Variants in LAMA2 observed in about 807,000 individuals in gnomAD.
The protein encoded by LAMA2 is laminin subunit alpha-2.
Under a neutral mutation model 364.8 loss-of-function variants are expected in LAMA2, and 269 were observed. The observed-to-expected ratio is 0.74, with a 90% confidence interval of 0.67 to 0.82. The LOEUF (loss-of-function observed/expected upper bound fraction) is 0.82, where lower values mean the gene tolerates loss of function less well. LAMA2 is among the 40% of genes least tolerant of loss of function. LAMA2 has a pLI of 0.00. For synonymous variants in LAMA2, 1,379 were observed against 1,370.6 expected (o/e 1.01, Z -0.14); for missense variants, 3,807 against 3,873.2 (o/e 0.98, Z 0.45).
chr6:129,185,574 T>TTTGCCTTTTG (rs1270250665), intron 10 of LAMA2, among the ~76,000 whole-genome samples: 4 of 151,852 alleles, frequency 2.6e-5, no homozygotes, highest in Admixed American at 6.6e-5. Context: ...ATATTGATTT[T>TTTGCCTTTTG]ATGTAAAGGC....
chr6:128,921,400 T>C (rs1219348745), intron 1 of LAMA2, among the ~76,000 whole-genome samples: 1 of 152,178 alleles, frequency 6.6e-6, no homozygotes, highest in East Asian at 1.9e-4. Flanking sequence ...ACTATGAATG[T>C]GACCTTATTT....
At chr6:129,425,184 T>C (rs1315499520) in intron 40 of LAMA2, among the ~76,000 whole-genome samples, 1 of 152,014 alleles carries the variant, frequency 6.6e-6, no homozygotes. Context: ...ACCATGGTTG[T>C]GGTAATGGTC....
At chr6:129,193,191 G>T (rs1781636933) in intron 12 of LAMA2, among the ~76,000 whole-genome samples, 1 of 152,152 alleles carries the variant, frequency 6.6e-6, no homozygotes, top group Non-Finnish European at 1.5e-5. Context: ...CTGTTTTCTG[G>T]AGTTGTCTGT....
chr6:129,243,855 AAAG>A (rs3062303), intron 12 of LAMA2, among the ~76,000 whole-genome samples: 98,224 of 150,804 alleles, frequency 0.65, 33,801 homozygotes, highest in Non-Finnish European at 0.76. Context: ...AAGAAAAAGA[AAAG>A]AAGAAGAAGA....
At chr6:128,953,019 C>T (rs1027647740) in intron 1 of LAMA2, among the ~76,000 whole-genome samples, 1 of 152,152 alleles carries the variant, frequency 6.6e-6, no homozygotes, top group East Asian at 1.9e-4. Context: ...CAGTTTAAAT[C>T]GGAGGAGGAA....
At chr6:129,325,544 TAA>T (rs1357688757) in intron 28 of LAMA2, among the ~76,000 whole-genome samples, 5 of 150,864 alleles carry the variant, frequency 3.3e-5, no homozygotes, top group African/African-American at 1.2e-4. Flanking sequence ...TTTTTTTTTT[TAA>T]AAAAAACAGC....
At chr6:129,455,557 C>A (rs1030647847) in intron 47 of LAMA2, among the ~76,000 whole-genome samples, 2 of 152,108 alleles carry the variant, frequency 1.3e-5, no homozygotes, top group Non-Finnish European at 2.9e-5. Flanking sequence ...AGACAGCAGT[C>A]AGGGAAATAT....
Position 129,144,009 on chromosome 6 carries a change from A to C in LAMA2, c.748A>C (p.Thr250Pro). The change falls in exon 5 of 65, where the codon ACA becomes CCA. Residue 250 changes from threonine to proline, a missense_variant. Thr to Pro is a conservative substitution (Grantham distance 38). Coordinates refer to ENST00000421865, the MANE Select transcript of LAMA2 (RefSeq NM_000426.4). Reference protein sequence around the residue: ...YIRLRFQRIRTLNADLMMFAH... With the variant: ...YIRLRFQRIRPLNADLMMFAH... ...TCGCCTGAGATTTCAGAGGATCCGC[A>C]CACTGAATGCTGACTTGATGATGTT... 1.2e-6 allele frequency: 2 copies of C among 1,612,714 alleles called. No individual in the cohort carries two copies. Among genetic ancestry groups the C allele is most frequent in the Non-Finnish European group, 1.7e-6 (2 of 1,179,084 alleles).
chr6:129,302,060 G>A (rs1339254196), intron 22 of LAMA2, among the ~76,000 whole-genome samples: 1 of 152,032 alleles, frequency 6.6e-6, no homozygotes, highest in Non-Finnish European at 1.5e-5. Context: ...ACCATTTAAT[G>A]GGTGTTTGGG....
intron 1 of LAMA2, among the ~76,000 whole-genome samples, chr6:128,900,996 A>G (rs1777050571): frequency 6.6e-6 from 1 of 152,218 alleles, no homozygotes; most frequent in South Asian, 2.1e-4. Context: ...CTACAAAAAT[A>G]AAATGAAAAA....
intron 2 of LAMA2, among the ~76,000 whole-genome samples, chr6:129,056,324 C>T (rs188073326): frequency 1.6e-4 from 24 of 152,320 alleles, no homozygotes; most frequent in Admixed American, 1.6e-3. Context: ...CTGATATTTG[C>T]TGTCATCATA....
chr6:128,965,538 T>C (rs1260876849), intron 1 of LAMA2, among the ~76,000 whole-genome samples: 2 of 152,084 alleles, frequency 1.3e-5, no homozygotes, highest in African/African-American at 4.8e-5. Context: ...TTTATTTTCC[T>C]CTTGTTTCTT....
intron 14 of LAMA2, among the ~76,000 whole-genome samples, chr6:129,253,858 C>T (rs745887431): frequency 7.2e-5 from 11 of 152,176 alleles, no homozygotes; most frequent in African/African-American, 1.2e-4. Flanking sequence ...GCATTCACAG[C>T]GCGGCTCTGT....
intron 6 of LAMA2, 21 bp downstream of exon 6, chr6:129,147,069 C>T: frequency 6.7e-7 from 1 of 1,488,426 alleles, no homozygotes; most frequent in South Asian, 1.1e-5. Context: ...TTATAGGATG[C>T]TTAGGCAAAA....
At chr6:129,146,487 AT>A (rs1220965017) in intron 5 of LAMA2, among the ~76,000 whole-genome samples, 1 of 152,034 alleles carries the variant, frequency 6.6e-6, no homozygotes, top group African/African-American at 2.4e-5. Context: ...TAAGGAATAT[AT>A]TGTTATGAGC....
rs746883617 is a variant in LAMA2, at chr6:129,454,216, C to G, written c.6635C>G (p.Ser2212Cys). The G allele has an allele frequency of 7.4e-6, 12 of 1,612,138 alleles. No homozygotes were observed. The highest frequency in any genetic ancestry group is 1.3e-5 in the African/African-American group (1 of 74,826). The change falls in exon 47 of 65, where the codon TCT becomes TGT. Residue 2212 changes from serine to cysteine, a missense_variant. Coordinates refer to ENST00000421865, the MANE Select transcript of LAMA2 (RefSeq NM_000426.4). Reference protein sequence around the residue: ...GKVSFLWDVGSGVGRVEYPDL... With the variant: ...GKVSFLWDVGCGVGRVEYPDL... ...GTCAGCTTCCTCTGGGATGTTGGAT[C>G]TGGAGTTGGACGTGTAGAGTACCCA...
chr6:129,215,425 C>T (rs904401857), intron 12 of LAMA2, among the ~76,000 whole-genome samples: 20 of 152,090 alleles, frequency 1.3e-4, no homozygotes, highest in African/African-American at 4.8e-4. Context: ...AGGTTTCCCT[C>T]AACAGTTGAA....
chr6:129,251,040 T>TCTC (rs1786157674), intron 13 of LAMA2, among the ~76,000 whole-genome samples: 2 of 61,666 alleles, frequency 3.2e-5, no homozygotes, highest in Non-Finnish European at 6.0e-5. Flanking sequence ...GTCTCTCTCT[T>TCTC]TCTCTCTCTC....
chr6:129,099,855 CA>C (rs1279846859), intron 4 of LAMA2, among the ~76,000 whole-genome samples: 8 of 152,212 alleles, frequency 5.3e-5, no homozygotes, highest in African/African-American at 1.4e-4. Context: ...GACAAGGACT[CA>C]AATGCAGTGA....
Sources: allele counts gnomAD v4.1 joint callset (sites outside exome capture counted in the v4.1 genomes callset), GRCh38; gene constraint gnomAD v4.1.1; transcripts MANE v1.5; gene names NCBI Gene and HGNC (gene_info 2026-07-23, HGNC 2026-07-21).